GRID2: variants seen among roughly 807,000 people sequenced by gnomAD.
The protein encoded by GRID2 is glutamate ionotropic receptor delta type subunit 2.
A neutral mutation model predicts 114.8 loss-of-function variants in GRID2; 33 were observed. The ratio of observed to expected loss-of-function variants is 0.29; its 90% CI spans 0.22 to 0.38. The LOEUF is 0.38. Among genes scored for constraint, GRID2 ranks in the 10% least tolerant of loss-of-function variants. GRID2 has a pLI of 1.00. For missense variants in GRID2, 1,184 were observed against 1,257.7 expected, an observed-to-expected ratio of 0.94 and a Z score of 0.89; for synonymous variants, 505 against 449.9, an observed-to-expected ratio of 1.12 and a Z score of -1.55.
chr4:92,381,054 G>A (rs1040306712), intron 1 of GRID2, among the ~76,000 whole-genome samples: 80 of 151,924 alleles, frequency 5.3e-4, no homozygotes, highest in African/African-American at 1.8e-3. Flanking sequence ...TCTCTAATGT[G>A]TCATGCAATC....
In GRID2 at chr4:92,794,905, TACACACAC is replaced by T. The variant is rs1553928475; in HGVS notation, c.244+204633_244+204640del. Among the ~76,000 whole-genome samples, 9 of 127,806 alleles carry T rather than the reference TACACACAC, an allele frequency of 7.0e-5. 1 individual carries two copies. The highest frequency in any genetic ancestry group is 1.6e-4 in the Admixed American group (2 of 12,448). 83.8% of individuals were successfully genotyped at this position (127,806 alleles called of 152,430 possible). A position where few individuals can be genotyped will look rare whatever the true frequency, so the allele number is the denominator to read the frequency against. ...ATATATATATATATATATATATATA[TACACACAC>T]ACACACACACACATATCCTGTATAC... is the stretch of plus-strand genomic sequence containing the variant. On this transcript the variant is annotated intron_variant, in intron 2 of 15. Coordinates refer to ENST00000282020, the MANE Select transcript of GRID2 (RefSeq NM_001510.4).
At chr4:92,511,363 A>G (rs1241150595) in intron 1 of GRID2, among the ~76,000 whole-genome samples, 4 of 151,872 alleles carry the variant, frequency 2.6e-5, no homozygotes, top group Non-Finnish European at 4.4e-5. Context: ...ATCTGCCCCC[A>G]TGATCCAAAT....
chr4:92,835,031 T>C (rs756791689), intron 2 of GRID2, among the ~76,000 whole-genome samples: 7 of 152,074 alleles, frequency 4.6e-5, no homozygotes, highest in Non-Finnish European at 1.0e-4. Flanking sequence ...ACAACAAAGA[T>C]TGAAACAGCT....
intron 13 of GRID2, among the ~76,000 whole-genome samples, chr4:93,596,503 G>A (rs528476224): frequency 3.9e-5 from 6 of 152,206 alleles, no homozygotes; most frequent in African/African-American, 7.2e-5. Context: ...CGGTGAACTC[G>A]GGAGGCGGAG....
At position 92,375,310 on chromosome 4, in the gene GRID2, T is replaced by G. The variant is rs151055479; in HGVS notation, c.88+70566T>G. Among the ~76,000 whole-genome samples, 581 of 152,312 alleles carry G rather than the reference T, an allele frequency of 3.8e-3. 4 individuals carry two copies. Among genetic ancestry groups the G allele is most frequent in the African/African-American group, 0.013 (539 of 41,574 alleles). ...TTTTGCACAAACGTTTGTACAAATT[T>G]GCAGGTGCTAAAAGAAGTGTGCTTA... On this transcript the variant is annotated intron_variant, in intron 1 of 15. Coordinates refer to ENST00000282020, the MANE Select transcript of GRID2 (RefSeq NM_001510.4).
At chr4:92,757,353 G>A (rs554977656) in intron 2 of GRID2, among the ~76,000 whole-genome samples, 1 of 152,184 alleles carries the variant, frequency 6.6e-6, no homozygotes, top group East Asian at 1.9e-4. Context: ...CTGTGATGAG[G>A]TAAAAAGGGA....
chr4:93,106,058 A>G (rs1023859154), intron 3 of GRID2, among the ~76,000 whole-genome samples: 3 of 152,170 alleles, frequency 2.0e-5, no homozygotes, highest in South Asian at 2.1e-4. Flanking sequence ...TAATAACTCA[A>G]TTAATGAGCC....
At chr4:92,631,951 G>A (rs1320664134) in intron 2 of GRID2, among the ~76,000 whole-genome samples, 2 of 152,118 alleles carry the variant, frequency 1.3e-5, no homozygotes, top group Non-Finnish European at 2.9e-5. Flanking sequence ...AACACTTTGT[G>A]TTACTGTAAT....
At chr4:92,593,283 C>G (rs1293891138) in intron 2 of GRID2, among the ~76,000 whole-genome samples, 1 of 151,928 alleles carries the variant, frequency 6.6e-6, no homozygotes, top group Non-Finnish European at 1.5e-5. Context: ...AATCTAATAG[C>G]TTGAAATCCT....
At chr4:93,349,068 T>C (rs1760530405) in intron 8 of GRID2, among the ~76,000 whole-genome samples, 1 of 152,132 alleles carries the variant, frequency 6.6e-6, no homozygotes, top group South Asian at 2.1e-4. Context: ...GCAGTCAGAA[T>C]GGCAGGCGAG....
At chr4:93,769,553 T>A in intron 15 of GRID2, 103 bp downstream of exon 15, 1 of 1,071,510 alleles carries the variant, frequency 9.3e-7, no homozygotes, top group Non-Finnish European at 1.4e-6. Context: ...TGGTCCTTGT[T>A]TTTTCGTTTC....
chr4:92,783,801 G>A (rs1003325891), intron 2 of GRID2, among the ~76,000 whole-genome samples: 3 of 151,890 alleles, frequency 2.0e-5, no homozygotes, highest in Admixed American at 2.0e-4. Flanking sequence ...AGGGAGGGTT[G>A]CTTTAGCCCA....
chr4:93,779,742 G>T (rs2110349611), intron 1 of GRID2, among the ~76,000 whole-genome samples: 1 of 152,304 alleles, frequency 6.6e-6, no homozygotes, highest in South Asian at 2.1e-4. Context: ...ATGTGGAAAG[G>T]TCAGAAGGAT....
intron 2 of GRID2, among the ~76,000 whole-genome samples, chr4:92,601,888 A>G (rs983554747): frequency 2.0e-5 from 3 of 152,166 alleles, no homozygotes; most frequent in Non-Finnish European, 4.4e-5. Context: ...AAACACCTCT[A>G]TGCAAATAAA....
chr4:92,625,396 G>T (rs1023642859), intron 2 of GRID2, among the ~76,000 whole-genome samples: 2 of 151,728 alleles, frequency 1.3e-5, no homozygotes, highest in Admixed American at 1.3e-4. Context: ...GAAAATATGT[G>T]AGTCACTGAA....
chr4:92,890,558 A>G (rs150575631), intron 2 of GRID2, among the ~76,000 whole-genome samples: 265 of 152,356 alleles, frequency 1.7e-3, no homozygotes, highest in African/African-American at 5.8e-3. Context: ...TCAAACCACA[A>G]TGAGATGCCA....
intron 8 of GRID2, among the ~76,000 whole-genome samples, chr4:93,306,564 G>A (rs565615430): frequency 6.6e-6 from 1 of 152,290 alleles, no homozygotes; most frequent in South Asian, 2.1e-4. Flanking sequence ...TAGGGGTATT[G>A]AGATGAAAGA....
At chr4:93,008,386 A>G (rs1472993921) in intron 2 of GRID2, among the ~76,000 whole-genome samples, 1 of 152,126 alleles carries the variant, frequency 6.6e-6, no homozygotes, top group Non-Finnish European at 1.5e-5. Flanking sequence ...AAACTTGTAT[A>G]TGCCTTTGCA....
intron 2 of GRID2, among the ~76,000 whole-genome samples, chr4:93,045,646 C>T (rs1243763900): frequency 1.3e-5 from 2 of 152,006 alleles, no homozygotes; most frequent in East Asian, 1.9e-4. Context: ...TTTTATTAAC[C>T]TCACTTTGCC....
Sources: allele counts gnomAD v4.1 joint callset (sites outside exome capture counted in the v4.1 genomes callset), GRCh38; gene constraint gnomAD v4.1.1; transcripts MANE v1.5; gene names NCBI Gene and HGNC (gene_info 2026-07-23, HGNC 2026-07-21).